Variants in MS4A15 observed in about 807,000 individuals in gnomAD.
MS4A15 encodes the protein membrane spanning 4-domains A15.
Under a neutral mutation model 20.6 loss-of-function variants are expected in MS4A15, and 22 were observed. The observed-to-expected ratio is 1.07, with a 90% CI of 0.76 to 1.52. MS4A15 has a LOEUF of 1.52. Ranked by LOEUF, MS4A15 falls within the 40% of genes most tolerant of loss-of-function variation. The probability of loss-of-function intolerance (pLI) is 0.00; values close to 1 mark genes in which losing one functional copy is unlikely to be tolerated. For missense variants in MS4A15, 312 were observed against 323.0 expected (o/e 0.97, Z 0.26); for synonymous variants, 129 against 129.3 (o/e 1.00, Z 0.02).
In MS4A15 at chr11:60,768,099, A is replaced by G. The variant is rs192776838; in HGVS notation, c.348+444A>G. Among the ~76,000 whole-genome samples the G allele has an allele frequency of 2.7e-3, 406 of 152,294 alleles. 3 individuals are homozygous for G. Among genetic ancestry groups the G allele is most frequent in the African/African-American group, 8.9e-3 (370 of 41,574 alleles). The stretch of plus-strand genomic sequence containing the variant: ...TCCCAGCTACTTGGGAGGCTGAGGC[A>G]GGTGAATCGCTTTAACCCGGGAGGC... On this transcript the variant is annotated intron_variant, in intron 3 of 6. Coordinates refer to ENST00000405633, the MANE Select transcript of MS4A15 (RefSeq NM_001098835.2).
Position 60,766,672 on chromosome 11 carries a change from G to A in MS4A15, c.226-861G>A, listed in dbSNP as rs185997036. The stretch of plus-strand genomic sequence containing the variant: ...GAGAAAAAGAAGCTGAAGATTCAGG[G>A]GCTCATGTCCATGAATATCCAAATA... On this transcript the variant is annotated intron_variant, in intron 2 of 6. Coordinates refer to ENST00000405633, the MANE Select transcript of MS4A15 (RefSeq NM_001098835.2). 3.9e-4 allele frequency among the ~76,000 whole-genome samples: 60 copies of A among 152,316 alleles called. 2 individuals are homozygous for A. Among genetic ancestry groups the A allele is most frequent in the Admixed American group, 3.7e-3 (56 of 15,300 alleles).
In MS4A15 at chr11:60,775,807, C is replaced by A. The variant is rs570284513; in HGVS notation, c.*92C>A. ...CCACCTTGTTCATCAGGGGCCAGCCCCATCCCAGCTGCCCTCCCTCACCAC... is the reference window on the plus strand; with the variant it reads ...CCACCTTGTTCATCAGGGGCCAGCCACATCCCAGCTGCCCTCCCTCACCAC... On this transcript the variant is annotated 3_prime_UTR_variant, in exon 7 of 7. Coordinates refer to ENST00000405633, the MANE Select transcript of MS4A15 (RefSeq NM_001098835.2). 18 of 983,336 alleles carry A rather than the reference C, an allele frequency of 1.8e-5. No individual in the cohort carries two copies. The East Asian group carries it at 3.5e-4, about 19-fold the overall frequency. The allele number at this position is 983,336 out of a possible 1,614,324, so 60.9% of individuals were successfully genotyped here.
chr11:60,773,769 G>T (rs760736580), intron 5 of MS4A15, 68 bp from the exon 6 acceptor site: 12 of 1,334,046 alleles, frequency 9.0e-6, no homozygotes, highest in Non-Finnish European at 1.3e-5. Context: ...TGGGCAAGTG[G>T]TTCTCACTCG....
intron 4 of MS4A15, among the ~76,000 whole-genome samples, 163 bp from the exon 5 acceptor site, chr11:60,773,229 G>A (rs1047762244): frequency 3.9e-5 from 6 of 152,198 alleles, no homozygotes; most frequent in African/African-American, 1.4e-4. Flanking sequence ...AAGAGAAAAG[G>A]GGAGCAGTCA....
chr11:60,769,646 G>T (rs1433869329), intron 3 of MS4A15, among the ~76,000 whole-genome samples: 2 of 152,100 alleles, frequency 1.3e-5, no homozygotes, highest in Admixed American at 1.3e-4. Flanking sequence ...CCTGCCATAG[G>T]CTTGTCCCCA....
chr11:60,773,606 G>C lies in MS4A15; in HGVS notation c.498+122G>C, dbSNP rs555450737. ...TTGGCAGGGCCTGCCAGTCCCTATAGACCCCATGAATCCATGGATCCTCTG... is the reference window on the plus strand; with the variant it reads ...TTGGCAGGGCCTGCCAGTCCCTATACACCCCATGAATCCATGGATCCTCTG... On this transcript the variant is annotated intron_variant, in intron 5 of 6. Coordinates refer to ENST00000405633, the MANE Select transcript of MS4A15 (RefSeq NM_001098835.2). 1,014 of 876,326 alleles carry C rather than the reference G, an allele frequency of 1.2e-3. 2 individuals are homozygous for C. The highest frequency in any genetic ancestry group is 1.4e-3 in the Non-Finnish European group (771 of 544,220). 54.3% of individuals were successfully genotyped at this position (876,326 alleles called of 1,614,324 possible).
chr11:60,763,758 G>A lies in MS4A15; in HGVS notation c.25G>A (p.Gly9Arg). 1 of 1,612,178 alleles carries A rather than the reference G, an allele frequency of 6.2e-7. No individual in the cohort carries two copies. Among genetic ancestry groups the A allele is most frequent in the Non-Finnish European group, 8.5e-7 (1 of 1,179,894 alleles). The change falls in exon 2 of 7, where the codon GGA (glycine) becomes AGA (arginine). Residue 9 changes from glycine to arginine, a missense_variant. Transcript: ENST00000405633. ...GATGTCTGCAGCTCCCGCCAGCAAT[G>A]GAGTGTTTGTTGTCATCCCGCCAAA... MSAAPASN[G>R]VFVVIPPNNA... is the part of the protein sequence containing the mutation.
chr11:60,762,997 T>C (rs1853786667), intron 1 of MS4A15, among the ~76,000 whole-genome samples: 1 of 152,064 alleles, frequency 6.6e-6, no homozygotes, highest in South Asian at 2.1e-4. Flanking sequence ...ATGTTTGTGG[T>C]TTAACAAGCT....
At chr11:60,763,613 T>C (rs1296092177) in intron 1 of MS4A15, 93 bp from the exon 2 acceptor site, 2 of 1,026,786 alleles carry the variant, frequency 1.9e-6, no homozygotes, top group Admixed American at 4.3e-5. Context: ...CTGGCAGGGC[T>C]GCAGTAAGCA....
intron 4 of MS4A15, among the ~76,000 whole-genome samples, chr11:60,772,562 A>G (rs1854070087): frequency 6.6e-6 from 1 of 152,172 alleles, no homozygotes; most frequent in South Asian, 2.1e-4. Flanking sequence ...CAATTAATGG[A>G]TTTCTTGTGA....
intron 1 of MS4A15, among the ~76,000 whole-genome samples, chr11:60,762,215 G>C (rs1039724316): frequency 2.0e-5 from 3 of 152,150 alleles, no homozygotes; most frequent in African/African-American, 7.2e-5. Flanking sequence ...TTCAAAAACA[G>C]GTAAATATTA....
At chr11:60,760,067 C>A (rs779563556) in intron 1 of MS4A15, among the ~76,000 whole-genome samples, 1 of 152,196 alleles carries the variant, frequency 6.6e-6, no homozygotes. Context: ...CTCCACCTGA[C>A]GAGAAATACC....
At chr11:60,762,510 C>T (rs1466715751) in intron 1 of MS4A15, among the ~76,000 whole-genome samples, 3 of 152,148 alleles carry the variant, frequency 2.0e-5, no homozygotes, top group African/African-American at 7.2e-5. Flanking sequence ...AACAAATACC[C>T]TTCAACAATT....
intron 1 of MS4A15, among the ~76,000 whole-genome samples, chr11:60,761,845 A>G (rs1853749613): frequency 6.6e-6 from 1 of 152,244 alleles, no homozygotes; most frequent in Non-Finnish European, 1.5e-5. Flanking sequence ...TTCCTAATAT[A>G]GAGCAGAATC....
chr11:60,774,279 G>A (rs752411347), intron 6 of MS4A15, among the ~76,000 whole-genome samples: 5 of 152,310 alleles, frequency 3.3e-5, no homozygotes, highest in African/African-American at 9.6e-5. Context: ...TTAGCCATGT[G>A]TGATGGTACG....
intron 3 of MS4A15, among the ~76,000 whole-genome samples, chr11:60,770,066 C>T (rs921526062): frequency 4.6e-5 from 7 of 152,244 alleles, no homozygotes; most frequent in Non-Finnish European, 8.8e-5. Context: ...AGACGCAGGG[C>T]CAGCCCCACC....
intron 6 of MS4A15, among the ~76,000 whole-genome samples, chr11:60,775,137 G>A (rs1243475450): frequency 2.0e-5 from 3 of 152,064 alleles, no homozygotes. Context: ...CCAACATGAT[G>A]AAACCCCGTC....
intron 1 of MS4A15, among the ~76,000 whole-genome samples, chr11:60,759,729 C>G (rs1463160282): frequency 6.6e-6 from 1 of 152,184 alleles, no homozygotes; most frequent in African/African-American, 2.4e-5. Context: ...CTCTGTTACT[C>G]TTTACTAACT....
At chr11:60,759,634 G>A (rs550160337) in intron 1 of MS4A15, among the ~76,000 whole-genome samples, 57 of 152,302 alleles carry the variant, frequency 3.7e-4, no homozygotes, top group Admixed American at 2.5e-3. Flanking sequence ...GGAATGTCTC[G>A]GTGTAAAGCC....
Sources: gnomAD v4.1 joint callset for allele counts (sites outside exome capture counted in the v4.1 genomes callset) on GRCh38, gnomAD v4.1.1 for gene constraint, MANE v1.5 for transcripts, NCBI Gene and HGNC (gene_info 2026-07-23, HGNC 2026-07-21) for gene names.